Variants in SLC17A6 observed in about 807,000 individuals in gnomAD.
SLC17A6 encodes solute carrier family 17 member 6, also known as vesicular glutamate transporter 2.
SLC17A6 carries 35 observed loss-of-function variants against 67.1 expected under a neutral mutation model. The ratio of observed to expected loss-of-function variants is 0.52; its 90% CI spans 0.40 to 0.69. The LOEUF is 0.69. Ranked by LOEUF, SLC17A6 falls within the 30% of genes least tolerant of loss-of-function variation. SLC17A6 has a pLI of 0.00. For missense variants in SLC17A6, 588 were observed against 723.9 expected (o/e 0.81, Z 2.15); for synonymous variants, 285 against 252.3 (o/e 1.13, Z -1.23).
chr11:22,361,756 C>A (rs906122101), intron 5 of SLC17A6, among the ~76,000 whole-genome samples: 1 of 152,146 alleles, frequency 6.6e-6, no homozygotes, highest in African/African-American at 2.4e-5. Context: ...TTAAGACAAT[C>A]AGTTTAATTT....
In SLC17A6 at chr11:22,378,666, A is replaced by G. The variant is rs950866197; in HGVS notation, c.*926A>G. ...AACAAAGAAATAGAAAATGGTTTAG[A>G]TATCTTTCTTCCTTCATAATTAAAT... is the stretch of plus-strand genomic sequence containing the variant. On this transcript the variant is annotated 3_prime_UTR_variant, in exon 12 of 12. Transcript: ENST00000263160. The G allele has an allele frequency of 2.0e-5, 3 of 152,462 alleles. No homozygotes were observed. The highest frequency in any genetic ancestry group is 7.2e-5 in the African/African-American group (3 of 41,458). 9.4% of individuals were successfully genotyped at this position (152,462 alleles called of 1,614,324 possible). A position where few individuals can be genotyped will look rare whatever the true frequency, so the allele number is the denominator to read the frequency against.
intron 3 of SLC17A6, among the ~76,000 whole-genome samples, chr11:22,345,461 C>G (rs569595888): frequency 6.6e-6 from 1 of 151,954 alleles, no homozygotes; most frequent in South Asian, 2.1e-4. Context: ...CAGGTGTGAA[C>G]CACCACCCCC....
intron 3 of SLC17A6, among the ~76,000 whole-genome samples, chr11:22,345,923 A>G (rs1309023165): frequency 6.6e-6 from 1 of 152,198 alleles, no homozygotes; most frequent in Non-Finnish European, 1.5e-5. Context: ...ATAGAATTTT[A>G]CCTTAGAAGA....
At chr11:22,345,664 A>T (rs184936362) in intron 3 of SLC17A6, among the ~76,000 whole-genome samples, 1 of 152,202 alleles carries the variant, frequency 6.6e-6, no homozygotes, top group Non-Finnish European at 1.5e-5. Context: ...AAAATTATAG[A>T]GATCAACTAC....
At chr11:22,351,418 T>A (rs1177014803) in intron 3 of SLC17A6, among the ~76,000 whole-genome samples, 1 of 152,134 alleles carries the variant, frequency 6.6e-6, no homozygotes, top group East Asian at 1.9e-4. Flanking sequence ...TCTTTTGGAG[T>A]CCCCAGTGCC....
Position 22,338,631 on chromosome 11 carries a change from C to G in SLC17A6, c.86+12C>G. The G allele has an allele frequency of 2.5e-6, 4 of 1,596,324 alleles. No individual in the cohort carries two copies. Among genetic ancestry groups the G allele is most frequent in the Non-Finnish European group, 3.4e-6 (4 of 1,165,226 alleles). On this transcript the variant is annotated intron_variant, in intron 1 of 11. Coordinates refer to ENST00000263160, the MANE Select transcript of SLC17A6 (RefSeq NM_020346.3). Reference sequence around the variant, plus strand: ...GGCCAGATCTACAGGTAAGACAAAGCGAACACTTGCTTACCTGGGGCTCAG... The same window carrying G: ...GGCCAGATCTACAGGTAAGACAAAGGGAACACTTGCTTACCTGGGGCTCAG...
At position 22,350,954 on chromosome 11, in the gene SLC17A6, A is replaced by C. The variant is rs75183161; in HGVS notation, c.458+7589A>C. Among the ~76,000 whole-genome samples, 2,388 of 152,252 alleles carry C rather than the reference A, an allele frequency of 0.016. 184 individuals are homozygous for C. In the East Asian group the frequency reaches 0.22, roughly 14 times the overall value. ...AGTTTGTTTTCATATATAGTGATAA[A>C]AATATACTGCCTGATATTATATAAA... On this transcript the variant is annotated intron_variant, in intron 3 of 11. Transcript: ENST00000263160.
At chr11:22,349,544 C>T (rs1197004477) in intron 3 of SLC17A6, among the ~76,000 whole-genome samples, 2 of 152,228 alleles carry the variant, frequency 1.3e-5, no homozygotes, top group East Asian at 1.9e-4. Flanking sequence ...TTACCCCTTA[C>T]TAGCTCTGGC....
At chr11:22,339,088 ATG>A (rs1855773501) in intron 1 of SLC17A6, among the ~76,000 whole-genome samples, 4 of 99,282 alleles carry the variant, frequency 4.0e-5, no homozygotes, top group Non-Finnish European at 2.0e-5. Context: ...TTATATATAT[ATG>A]TTATATATAT....
chr11:22,347,819 T>C (rs1230287569), intron 3 of SLC17A6, among the ~76,000 whole-genome samples: 2 of 152,216 alleles, frequency 1.3e-5, no homozygotes, highest in African/African-American at 4.8e-5. Context: ...ATAAATTCAC[T>C]TAGAGAAATC....
At chr11:22,347,506 GAA>G (rs11353384) in intron 3 of SLC17A6, among the ~76,000 whole-genome samples, 1,873 of 151,682 alleles carry the variant, frequency 0.012, 22 homozygotes, top group Middle Eastern at 0.031. Context: ...TAACTTTCGG[GAA>G]AAAAAAAGGA....
At chr11:22,361,511 A>G (rs1266089322) in intron 5 of SLC17A6, among the ~76,000 whole-genome samples, 3 of 152,228 alleles carry the variant, frequency 2.0e-5, no homozygotes, top group South Asian at 2.1e-4. Context: ...GAAAATAACT[A>G]TTATAATTTA....
chr11:22,348,668 G>T (rs1022526222), intron 3 of SLC17A6, among the ~76,000 whole-genome samples: 3 of 152,114 alleles, frequency 2.0e-5, no homozygotes, highest in Non-Finnish European at 1.5e-5. Flanking sequence ...TTGGGGTTTT[G>T]ACTGATGCAA....
At chr11:22,376,196 C>T (rs1490098978) in intron 10 of SLC17A6, 104 bp downstream of exon 10, 1 of 614,352 alleles carries the variant, frequency 1.6e-6, no homozygotes, top group Non-Finnish European at 2.7e-6. Context: ...TATATATATT[C>T]TATATGTTGA....
chr11:22,342,385 G>A (rs1178979455), intron 2 of SLC17A6, among the ~76,000 whole-genome samples: 2 of 152,136 alleles, frequency 1.3e-5, no homozygotes, highest in African/African-American at 4.8e-5. Flanking sequence ...CCCAGCTGCC[G>A]TAAACCAGAC....
rs1379038197 is a variant in SLC17A6 at position 22,379,482 on chromosome 11, C to G, written c.*1742C>G. 2.1e-5 allele frequency: 3 copies of G among 143,350 alleles called. No homozygotes were observed. The highest frequency in any genetic ancestry group is 4.6e-5 in the Non-Finnish European group (3 of 65,746). The allele number at this position is 143,350 out of a possible 1,614,324, so 8.9% of individuals were successfully genotyped here. A position where few individuals can be genotyped will look rare whatever the true frequency, so the allele number is the denominator to read the frequency against. On this transcript the variant is annotated 3_prime_UTR_variant, in exon 12 of 12. Coordinates refer to ENST00000263160, the MANE Select transcript of SLC17A6 (RefSeq NM_020346.3). ...AGCAAAAAAGTGTTAATAAAATGCT[C>G]TATTTATCCTTTTTTTAAAAAGCAG...
intron 6 of SLC17A6, among the ~76,000 whole-genome samples, chr11:22,364,640 T>C (rs1856088851): frequency 6.6e-6 from 1 of 152,100 alleles, no homozygotes; most frequent in Non-Finnish European, 1.5e-5. Context: ...TCTTGGAGAT[T>C]GAACAGGCCA....
intron 7 of SLC17A6, among the ~76,000 whole-genome samples, chr11:22,366,772 A>G (rs1856117458): frequency 6.6e-6 from 1 of 152,132 alleles, no homozygotes; most frequent in African/African-American, 2.4e-5. Flanking sequence ...TGGGAGGCCG[A>G]GGCGGGTGGA....
intron 3 of SLC17A6, 87 bp from the exon 4 acceptor site, chr11:22,359,326 A>T: frequency 4.2e-6 from 3 of 710,356 alleles, no homozygotes; most frequent in Non-Finnish European, 6.2e-6. Context: ...TTATTACTTT[A>T]AATGTTTCAC....
Sources: allele counts gnomAD v4.1 joint callset (sites outside exome capture counted in the v4.1 genomes callset), GRCh38; gene constraint gnomAD v4.1.1; transcripts MANE v1.5; gene names NCBI Gene and HGNC (gene_info 2026-07-23, HGNC 2026-07-21).